The following HDAC4 variants were observed in gnomAD, a reference collection of about 807,000 sequenced individuals.
The protein encoded by HDAC4 is histone deacetylase A.
In HDAC4, 16 loss-of-function variants were observed where a neutral mutation model predicts 135.1. The observed-to-expected ratio is 0.12, with a 90% CI of 0.08 to 0.18. The LOEUF is 0.18. Among genes scored for constraint, HDAC4 ranks in the 10% least tolerant of loss-of-function variants. The pLI, the probability that HDAC4 is intolerant of heterozygous loss-of-function variation, is 1.00. For missense variants in HDAC4, 1,143 were observed against 1,511.8 expected, an observed-to-expected ratio of 0.76 and a Z score of 4.05; for synonymous variants, 685 against 653.4, an observed-to-expected ratio of 1.05 and a Z score of -0.74.
intron 13 of HDAC4, among the ~76,000 whole-genome samples, chr2:239,112,416 A>G (rs1174886040): frequency 1.3e-5 from 2 of 152,172 alleles, no homozygotes; most frequent in African/African-American, 4.8e-5. Context: ...CTGGTCTCAC[A>G]TCCCACACAC....
intron 12 of HDAC4, among the ~76,000 whole-genome samples, chr2:239,121,459 G>A (rs3791439): frequency 9.9e-5 from 15 of 152,162 alleles, no homozygotes; most frequent in Non-Finnish European, 2.2e-4. Context: ...CTACCGTGCT[G>A]TGCATCAGGA....
chr2:239,289,112 C>CGCACA (rs1478468225), intron 2 of HDAC4, among the ~76,000 whole-genome samples: 1 of 152,132 alleles, frequency 6.6e-6, no homozygotes, highest in Non-Finnish European at 1.5e-5. Context: ...ATGAGCTGGC[C>CGCACA]GCACAGCTAT....
chr2:239,113,924 GC>G (rs113605169), intron 13 of HDAC4, among the ~76,000 whole-genome samples: 9,529 of 152,136 alleles, frequency 0.063, 1,015 homozygotes, highest in African/African-American at 0.22. Flanking sequence ...TTAGAGACAG[GC>G]CCCCCTCTGA....
At chr2:239,364,421 C>A (rs1694046534) in intron 1 of HDAC4, among the ~76,000 whole-genome samples, 1 of 152,190 alleles carries the variant, frequency 6.6e-6, no homozygotes, top group Admixed American at 6.5e-5. Context: ...AAAAAGCAGA[C>A]ACACACAGCA....
chr2:239,111,853 G>A, intron 13 of HDAC4, 141 bp from the exon 14 acceptor site: 1 of 758,930 alleles, frequency 1.3e-6, no homozygotes, highest in Non-Finnish European at 2.2e-6. Context: ...GAGGCCAGCT[G>A]CGTGGAGAGG....
Position 239,301,868 on chromosome 2 carries a change from C to T in HDAC4, c.22+50810G>A, listed in dbSNP as rs188167482. 1.8e-4 allele frequency among the ~76,000 whole-genome samples: 28 copies of T among 152,208 alleles called. 1 individual carries two copies. The highest frequency in any genetic ancestry group is 1.2e-3 in the Admixed American group (18 of 15,288). ...GGTGTGATTCCTGAATGGTAAAAAC[C>T]TTACCATGCTTTGTTTCTCCATCAG... On this transcript the variant is annotated intron_variant, in intron 2 of 26. Transcript: ENST00000543185.
At chr2:239,311,883 G>A (rs1252850786) in intron 2 of HDAC4, among the ~76,000 whole-genome samples, 3 of 152,252 alleles carry the variant, frequency 2.0e-5, no homozygotes, top group East Asian at 1.9e-4. Context: ...GGCAGCCCAC[G>A]GGGCAGCTCT....
chr2:239,172,293 A>AAAAATATAT (rs1278028621), intron 5 of HDAC4, among the ~76,000 whole-genome samples: 2 of 115,052 alleles, frequency 1.7e-5, no homozygotes, highest in African/African-American at 6.3e-5. Context: ...GGTGAAAAAA[A>AAAAATATAT]ATATATATAT....
chr2:239,282,812 TACAC>T (rs1450770181), intron 2 of HDAC4, among the ~76,000 whole-genome samples: 45 of 148,218 alleles, frequency 3.0e-4, no homozygotes, highest in Middle Eastern at 4.0e-3. Context: ...CACACCACTC[TACAC>T]ACAATGTACA....
At chr2:239,150,388 C>T (rs1321732727) in intron 7 of HDAC4, among the ~76,000 whole-genome samples, 1 of 151,692 alleles carries the variant, frequency 6.6e-6, no homozygotes, top group African/African-American at 2.4e-5. Flanking sequence ...TACACAAACA[C>T]AGAAACGCAC....
chr2:239,155,684 T>C (rs535935687), intron 7 of HDAC4: 2 of 152,278 alleles, frequency 1.3e-5, no homozygotes, highest in Non-Finnish European at 2.9e-5. Context: ...ACGTTCACTG[T>C]TTCCGCCCAG....
Position 239,306,822 on chromosome 2 carries a change from ACCCCCGAGGAG to A in HDAC4, c.22+45845_22+45855del, listed in dbSNP as rs1468645638. 6.6e-5 allele frequency among the ~76,000 whole-genome samples: 10 copies of A among 151,666 alleles called. No individual in the cohort carries two copies. The highest frequency in any genetic ancestry group is 1.5e-4 in the Non-Finnish European group (10 of 67,920). On this transcript the variant is annotated intron_variant, in intron 2 of 26. Coordinates refer to ENST00000543185, the MANE Select transcript of HDAC4 (RefSeq NM_001378414.1). This position sits in a 1 kb window ranked among gnomAD's most constrained non-coding sequence, Gnocchi z 4.5. ...GAGACCCTGGCCTGGTTTCCCACAC[ACCCCCGAGGAG>A]CCAGACAGGATCGAGAGAACCTTCT... is the stretch of plus-strand genomic sequence containing the variant.
intron 22 of HDAC4, among the ~76,000 whole-genome samples, chr2:239,079,155 C>T (rs770138380): frequency 2.2e-4 from 33 of 152,218 alleles, no homozygotes; most frequent in East Asian, 9.6e-4. Context: ...GACACGCCCA[C>T]GCCAGGGGTC....
intron 5 of HDAC4, among the ~76,000 whole-genome samples, chr2:239,170,699 T>A (rs531225168): frequency 2.0e-5 from 3 of 152,182 alleles, no homozygotes; most frequent in Non-Finnish European, 2.9e-5. Context: ...CACCCTAGCC[T>A]TCTGTGTGAA....
intron 17 of HDAC4, chr2:239,093,799 G>T: frequency 6.1e-6 from 2 of 328,878 alleles, no homozygotes; most frequent in Non-Finnish European, 8.7e-6. Flanking sequence ...GATAAATTCT[G>T]CCTTGCACAG....
intron 4 of HDAC4, among the ~76,000 whole-genome samples, chr2:239,183,307 CT>C (rs2044271640): frequency 6.6e-6 from 1 of 152,256 alleles, no homozygotes; most frequent in Non-Finnish European, 1.5e-5. Flanking sequence ...AAGATTTTCA[CT>C]TTTAAAACGA....
chr2:239,100,882 C>G (rs2037552761), intron 16 of HDAC4, among the ~76,000 whole-genome samples: 1 of 152,108 alleles, frequency 6.6e-6, no homozygotes, highest in Admixed American at 6.5e-5. Context: ...TCCACCGTCC[C>G]TTCCAGAGGG....
intron 12 of HDAC4, among the ~76,000 whole-genome samples, chr2:239,117,978 G>C (rs1324105370): frequency 6.6e-6 from 1 of 152,204 alleles, no homozygotes; most frequent in Non-Finnish European, 1.5e-5. Flanking sequence ...ACTCACGCGA[G>C]GCGGCCTCTC....
In HDAC4 at chr2:239,121,788, G is replaced by A. The variant is rs79365253; in HGVS notation, c.1533+4668C>T. 4.8e-3 allele frequency among the ~76,000 whole-genome samples: 729 copies of A among 152,322 alleles called. 6 individuals are homozygous for A. The highest frequency in any genetic ancestry group is 0.017 in the African/African-American group (699 of 41,574). On this transcript the variant is annotated intron_variant, in intron 12 of 26. Coordinates refer to ENST00000543185, the MANE Select transcript of HDAC4 (RefSeq NM_001378414.1). ...CCAGGCCCCTTGCCTTGGCACTGAC[G>A]CAGGCGCCTGTGGGTCACCTCCCTG...
Sources: allele counts gnomAD v4.1 joint callset (sites outside exome capture counted in the v4.1 genomes callset), GRCh38; gene constraint gnomAD v4.1.1; non-coding constraint Gnocchi (gnomAD v3.1); transcripts MANE v1.5; gene names NCBI Gene and HGNC (gene_info 2026-07-23, HGNC 2026-07-21).